DLG2: variants seen among roughly 807,000 people sequenced by gnomAD.
The protein encoded by DLG2 is disks large homolog 2.
In DLG2, 45 loss-of-function variants were observed where a neutral mutation model predicts 132.5. The observed-to-expected ratio is 0.34, with a 90% CI of 0.27 to 0.44. DLG2 has a LOEUF of 0.44. Ranked by LOEUF, DLG2 falls within the 20% of genes least tolerant of loss-of-function variation. The pLI is 1.00. For synonymous variants in DLG2, 424 were observed against 419.6 expected (o/e 1.01, Z -0.13); for missense variants, 1,045 against 1,196.9 (o/e 0.87, Z 1.87).
chr11:84,724,138 C>T (rs1347634483), intron 6 of DLG2, among the ~76,000 whole-genome samples: 1 of 152,086 alleles, frequency 6.6e-6, no homozygotes, highest in African/African-American at 2.4e-5. Flanking sequence ...GTTTCCTACT[C>T]TCTGCCTCTG....
chr11:85,053,867 G>C (rs1402055209), intron 6 of DLG2, among the ~76,000 whole-genome samples: 1 of 150,284 alleles, frequency 6.7e-6, no homozygotes, highest in Non-Finnish European at 1.5e-5. Context: ...GTAGAACTTA[G>C]AGAAAAGTAC....
intron 11 of DLG2, among the ~76,000 whole-genome samples, chr11:83,986,400 T>C (rs10898187): frequency 0.11 from 16,138 of 151,626 alleles, 1,082 homozygotes; most frequent in African/African-American, 0.19. Flanking sequence ...CATCATTTTT[T>C]ATGGCTGCAT....
rs769303075 is a variant in DLG2 at position 83,929,749 on chromosome 11, A to G, written c.1496+579T>C. ...AGAGAATATATATATATGTACATAC[A>G]TAGGATGGTAACATAATATAAACAT... is the stretch of plus-strand genomic sequence containing the variant. On this transcript the variant is annotated intron_variant, in intron 15 of 27. Coordinates refer to ENST00000376104, the MANE Select transcript of DLG2 (RefSeq NM_001142699.3). Among the ~76,000 whole-genome samples the G allele has an allele frequency of 5.9e-5, 9 of 152,340 alleles. No homozygotes were observed. In the South Asian group the frequency reaches 1.7e-3, roughly 28 times the overall value.
chr11:84,584,509 G>A (rs1359188964), intron 6 of DLG2, among the ~76,000 whole-genome samples: 4 of 150,892 alleles, frequency 2.7e-5, no homozygotes, highest in Admixed American at 1.3e-4. Context: ...ACCATGCCTG[G>A]CTATTTTTTT....
chr11:85,605,425 A>G (rs2080460256), intron 2 of DLG2, among the ~76,000 whole-genome samples: 1 of 152,246 alleles, frequency 6.6e-6, no homozygotes, highest in Non-Finnish European at 1.5e-5. Flanking sequence ...TTGAATCACA[A>G]ATGTTCAAAT....
chr11:85,396,766 T>C (rs962476471), intron 3 of DLG2, among the ~76,000 whole-genome samples: 1 of 151,942 alleles, frequency 6.6e-6, no homozygotes, highest in African/African-American at 2.4e-5. Flanking sequence ...CTCCAAGAAA[T>C]ATGGGACTAC....
chr11:85,597,081 C>T (rs183150732), intron 3 of DLG2, among the ~76,000 whole-genome samples: 171 of 152,206 alleles, frequency 1.1e-3, no homozygotes, highest in South Asian at 4.3e-3. Context: ...ACATTATTGG[C>T]GTTAAGCCAA....
At chr11:85,399,694 T>G (rs1039273413) in intron 3 of DLG2, among the ~76,000 whole-genome samples, 1 of 152,160 alleles carries the variant, frequency 6.6e-6, no homozygotes, top group Non-Finnish European at 1.5e-5. Context: ...GATTCCCTAT[T>G]TAATAAATGG....
chr11:83,750,613 G>T (rs1216657495), intron 18 of DLG2, among the ~76,000 whole-genome samples: 5 of 151,998 alleles, frequency 3.3e-5, no homozygotes, highest in East Asian at 1.9e-4. Context: ...TGAACAAATG[G>T]TTCCATGACA....
intron 22 of DLG2, chr11:83,480,423 C>A: frequency 6.5e-7 from 1 of 1,535,188 alleles, no homozygotes; most frequent in East Asian, 2.4e-5. Flanking sequence ...TCTGCAAGAA[C>A]AGCACAGCAA....
chr11:84,058,458 C>T (rs893335063), intron 11 of DLG2, among the ~76,000 whole-genome samples: 1 of 150,114 alleles, frequency 6.7e-6, no homozygotes, highest in Non-Finnish European at 1.5e-5. Context: ...GAGTTCAAGA[C>T]CAGCCTGGGC....
intron 12 of DLG2, among the ~76,000 whole-genome samples, chr11:83,969,765 G>T (rs1413205930): frequency 6.6e-6 from 1 of 151,996 alleles, no homozygotes; most frequent in Non-Finnish European, 1.5e-5. Context: ...CAGACACAGG[G>T]TTTCACCATG....
chr11:84,824,907 A>G (rs1300570395), intron 6 of DLG2, among the ~76,000 whole-genome samples: 1 of 151,846 alleles, frequency 6.6e-6, no homozygotes, highest in African/African-American at 2.4e-5. Flanking sequence ...ATAGGGAATT[A>G]AGCATTTGTT....
chr11:85,550,721 C>A (rs55841425), intron 3 of DLG2, among the ~76,000 whole-genome samples: 41,044 of 152,112 alleles, frequency 0.27, 6,623 homozygotes, highest in African/African-American at 0.43. Context: ...AGTTTGGGTA[C>A]GGCATATTCT....
chr11:84,556,939 A>C (rs561924391), intron 6 of DLG2, among the ~76,000 whole-genome samples: 1 of 152,164 alleles, frequency 6.6e-6, no homozygotes, highest in Non-Finnish European at 1.5e-5. Context: ...ACTGCCATCC[A>C]TCTTTAAAAA....
At chr11:85,103,410 A>G (rs565304502) in intron 6 of DLG2, among the ~76,000 whole-genome samples, 1 of 152,108 alleles carries the variant, frequency 6.6e-6, no homozygotes, top group South Asian at 2.1e-4. Context: ...ATACACATAA[A>G]GATTATTGAA....
At chr11:84,655,765 G>A (rs1303528360) in intron 6 of DLG2, among the ~76,000 whole-genome samples, 2 of 144,682 alleles carry the variant, frequency 1.4e-5, no homozygotes, top group South Asian at 2.2e-4. Flanking sequence ...TGGAGTGGTT[G>A]TGAGAATTAA....
At chr11:84,495,154 A>G (rs1290229793) in intron 7 of DLG2, among the ~76,000 whole-genome samples, 1 of 151,966 alleles carries the variant, frequency 6.6e-6, no homozygotes, top group Non-Finnish European at 1.5e-5. Context: ...TGTCCCTAAA[A>G]CCATCTGTGA....
At chr11:84,735,192 G>A (rs1236478250) in intron 6 of DLG2, among the ~76,000 whole-genome samples, 3 of 152,086 alleles carry the variant, frequency 2.0e-5, no homozygotes, top group East Asian at 1.9e-4. Flanking sequence ...TCTATTGATT[G>A]GAATAGTTTC....
Sources: gnomAD v4.1 joint callset for allele counts (sites outside exome capture counted in the v4.1 genomes callset) on GRCh38, gnomAD v4.1.1 for gene constraint, MANE v1.5 for transcripts, NCBI Gene and HGNC (gene_info 2026-07-23, HGNC 2026-07-21) for gene names.